SIM1: variants seen among roughly 807,000 people sequenced by gnomAD.
SIM1 encodes single-minded homolog 1.
Under a neutral mutation model 78.2 loss-of-function variants are expected in SIM1, and 18 were observed. That is an observed-to-expected ratio of 0.23 (90% CI 0.16 to 0.34). The LOEUF (loss-of-function observed/expected upper bound fraction) is 0.34. Ranked by LOEUF, SIM1 falls within the 10% of genes least tolerant of loss-of-function variation. The pLI, the probability that SIM1 is intolerant of heterozygous loss-of-function variation, is 1.00. For missense variants in SIM1, 939 were observed against 975.1 expected (o/e 0.96, Z 0.49); for synonymous variants, 417 against 385.2 (o/e 1.08, Z -0.97).
At chr6:100,415,068 A>T (rs564445078) in intron 10 of SIM1, among the ~76,000 whole-genome samples, 25 of 152,192 alleles carry the variant, frequency 1.6e-4, no homozygotes, top group Non-Finnish European at 3.5e-4. Context: ...GTTATTACTG[A>T]CTAGGGAAAA....
chr6:100,398,231 C>T (rs948352631), intron 10 of SIM1, among the ~76,000 whole-genome samples: 7 of 152,124 alleles, frequency 4.6e-5, no homozygotes, highest in Non-Finnish European at 8.8e-5. Flanking sequence ...CCTCCACTTC[C>T]AAGTCCTCTT....
intron 8 of SIM1, 135 bp from the exon 9 acceptor site, chr6:100,447,550 C>G (rs890379314): frequency 4.2e-6 from 4 of 949,008 alleles, no homozygotes; most frequent in Admixed American, 2.5e-5. Flanking sequence ...GAGAGAGAGA[C>G]GACAGGCAAA....
chr6:100,454,408 C>T (rs1194289855), intron 2 of SIM1, among the ~76,000 whole-genome samples: 2 of 152,152 alleles, frequency 1.3e-5, no homozygotes, highest in African/African-American at 2.4e-5. Context: ...AGTTCCCTGG[C>T]GGATGATTTC....
intron 9 of SIM1, among the ~76,000 whole-genome samples, chr6:100,422,692 C>A (rs1018039933): frequency 7.2e-5 from 11 of 152,142 alleles, no homozygotes; most frequent in African/African-American, 2.7e-4. Context: ...TTTCACCACA[C>A]ACACACACAC....
chr6:100,422,296 T>G (rs1481768202), intron 9 of SIM1, among the ~76,000 whole-genome samples: 1 of 152,050 alleles, frequency 6.6e-6, no homozygotes, highest in African/African-American at 2.4e-5. Flanking sequence ...CTCCACCTCT[T>G]GGGTTCAAGC....
intron 2 of SIM1, among the ~76,000 whole-genome samples, chr6:100,458,210 C>T (rs1239084778): frequency 6.6e-6 from 1 of 152,146 alleles, no homozygotes; most frequent in African/African-American, 2.4e-5. Context: ...CAGACTAAAA[C>T]TGGGGGCGAA....
chr6:100,448,801 G>T, intron 6 of SIM1, 123 bp from the exon 7 acceptor site: 1 of 807,924 alleles, frequency 1.2e-6, no homozygotes, highest in Non-Finnish European at 1.9e-6. Context: ...CCACGCCCGT[G>T]CACTAAGGAA....
At position 100,388,156 on chromosome 6, in the gene SIM1, CA is replaced by C; in HGVS notation, c.*2204del. The stretch of plus-strand genomic sequence containing the variant: ...ACTAAATACTCTTTTTTGTATAATT[CA>C]AAACTTAGTTTTTATTGTATGGTCA... On this transcript the variant is annotated 3_prime_UTR_variant, in exon 12 of 12. Transcript: ENST00000369208. 6.6e-6 allele frequency: 1 copy of C among 151,956 alleles called. No individual in the cohort carries two copies. Among genetic ancestry groups the C allele is most frequent in the Admixed American group, 6.6e-5 (1 of 15,238 alleles). 9.4% of individuals were successfully genotyped at this position (151,956 alleles called of 1,614,324 possible).
intron 9 of SIM1, among the ~76,000 whole-genome samples, chr6:100,429,732 A>C (rs1771852832): frequency 6.6e-6 from 1 of 152,162 alleles, no homozygotes; most frequent in Non-Finnish European, 1.5e-5. Flanking sequence ...AATCAGCAAA[A>C]TATTTCTTTG....
In SIM1 at chr6:100,385,782, T is replaced by C. The variant is rs1057433374; in HGVS notation, c.*4579A>G. The C allele has an allele frequency of 1.3e-5, 2 of 151,902 alleles. No individual in the cohort carries two copies. Among genetic ancestry groups the C allele is most frequent in the Non-Finnish European group, 2.9e-5 (2 of 67,914 alleles). The allele number at this position is 151,902 out of a possible 1,614,324, so 9.4% of individuals were successfully genotyped here. ...ATTTTTCTGTGTGCGTATGTGTGTG[T>C]GTATGCTTTCTGCATACAGTCCTAG... On this transcript the variant is annotated 3_prime_UTR_variant, in exon 12 of 12. Coordinates refer to ENST00000369208, the MANE Select transcript of SIM1 (RefSeq NM_005068.3).
At chr6:100,436,740 G>GTTT (rs1405680369) in intron 9 of SIM1, among the ~76,000 whole-genome samples, 6 of 133,282 alleles carry the variant, frequency 4.5e-5, no homozygotes, top group Non-Finnish European at 9.6e-5. Flanking sequence ...TTTGTTTTTG[G>GTTT]TATTTTTTTT....
rs762844351 is a variant in SIM1 at position 100,393,933 on chromosome 6, G to C, written c.1168-44C>G. The C allele has an allele frequency of 2.0e-6, 3 of 1,505,216 alleles. No homozygotes were observed. The East Asian group carries it at 6.9e-5, about 35-fold the overall frequency. 93.2% of individuals were successfully genotyped at this position (1,505,216 alleles called of 1,614,324 possible). A position where few individuals can be genotyped will look rare whatever the true frequency, so the allele number is the denominator to read the frequency against. On this transcript the variant is annotated intron_variant, in intron 10 of 11. Coordinates refer to ENST00000369208, the MANE Select transcript of SIM1 (RefSeq NM_005068.3). ...GAAAAGTCCATTTCAAAAATCAATC[G>C]ATCAGTAAGAGAAAACAAACAAACA...
At chr6:100,412,403 G>T (rs1771212635) in intron 10 of SIM1, among the ~76,000 whole-genome samples, 1 of 151,452 alleles carries the variant, frequency 6.6e-6, no homozygotes, top group Admixed American at 6.6e-5. Flanking sequence ...CAGCCGTGGT[G>T]GTGGGCGCCT....
chr6:100,426,101 G>A (rs1771720814), intron 9 of SIM1, among the ~76,000 whole-genome samples: 1 of 152,136 alleles, frequency 6.6e-6, no homozygotes, highest in Non-Finnish European at 1.5e-5. Context: ...CCTTCAAAAG[G>A]CTACTGAGGA....
intron 2 of SIM1, among the ~76,000 whole-genome samples, chr6:100,454,396 T>A (rs954184034): frequency 6.6e-6 from 1 of 152,054 alleles, no homozygotes; most frequent in Non-Finnish European, 1.5e-5. Context: ...TTCGGAAAAA[T>A]TAGTTCCCTG....
Position 100,387,309 on chromosome 6 carries a change from TAA to T in SIM1, c.*3050_*3051del, listed in dbSNP as rs754407656. 19 of 152,106 alleles carry T rather than the reference TAA, an allele frequency of 1.2e-4. No individual in the cohort carries two copies. The highest frequency in any genetic ancestry group is 2.4e-4 in the Non-Finnish European group (16 of 67,954). 9.4% of individuals were successfully genotyped at this position (152,106 alleles called of 1,614,324 possible). ...TCAAGAATTAAAACTAAAGCCATAT[TAA>T]GTTTAACTGATTAAATTATCGGGAA... On this transcript the variant is annotated 3_prime_UTR_variant, in exon 12 of 12. Transcript: ENST00000369208.
At chr6:100,417,906 C>A (rs542923494) in intron 10 of SIM1, among the ~76,000 whole-genome samples, 2 of 152,112 alleles carry the variant, frequency 1.3e-5, no homozygotes, top group Non-Finnish European at 2.9e-5. Flanking sequence ...ACTTAATTTA[C>A]GACTGTGCAA....
chr6:100,416,633 A>G (rs1489565988), intron 10 of SIM1, among the ~76,000 whole-genome samples: 1 of 152,218 alleles, frequency 6.6e-6, no homozygotes, highest in Non-Finnish European at 1.5e-5. Flanking sequence ...ATACAATTAA[A>G]AGCTTTATCA....
chr6:100,436,022 ACCCCTCC>A (rs1772039601), intron 9 of SIM1, among the ~76,000 whole-genome samples: 2 of 151,032 alleles, frequency 1.3e-5, no homozygotes, highest in Non-Finnish European at 3.0e-5. Flanking sequence ...ACACACACAC[ACCCCTCC>A]CAAGGTGCCC....
Sources: gnomAD v4.1 joint callset for allele counts (sites outside exome capture counted in the v4.1 genomes callset) on GRCh38, gnomAD v4.1.1 for gene constraint, MANE v1.5 for transcripts, NCBI Gene and HGNC (gene_info 2026-07-23, HGNC 2026-07-21) for gene names.